The following CACNB2 variants were observed in gnomAD, a reference collection of about 807,000 sequenced individuals.
CACNB2 encodes the protein calcium voltage-gated channel auxiliary subunit beta 2.
Under a neutral mutation model 73.3 loss-of-function variants are expected in CACNB2, and 42 were observed. That is an observed-to-expected ratio of 0.57 (90% CI 0.45 to 0.74). The LOEUF is 0.74. Among genes scored for constraint, CACNB2 ranks in the 30% least tolerant of loss-of-function variants. The probability of loss-of-function intolerance (pLI) is 0.00; values close to 1 mark genes in which losing one functional copy is unlikely to be tolerated. For missense variants in CACNB2, 940 were observed against 853.0 expected (o/e 1.10, Z -1.27); for synonymous variants, 348 against 310.3 (o/e 1.12, Z -1.28).
intron 2 of CACNB2, among the ~76,000 whole-genome samples, chr10:18,380,611 C>A (rs528940101): frequency 1.3e-5 from 2 of 151,702 alleles, no homozygotes; most frequent in Non-Finnish European, 2.9e-5. Context: ...CGTGCCACCA[C>A]GCCCAGCTAA....
intron 2 of CACNB2, among the ~76,000 whole-genome samples, chr10:18,354,390 C>A (rs1318090352): frequency 6.6e-6 from 1 of 152,108 alleles, no homozygotes; most frequent in Non-Finnish European, 1.5e-5. Flanking sequence ...CTCCACCCTT[C>A]CACCAACTTG....
intron 6 of CACNB2, among the ~76,000 whole-genome samples, chr10:18,509,417 T>C (rs2050650836): frequency 6.6e-6 from 1 of 152,188 alleles, no homozygotes; most frequent in South Asian, 2.1e-4. Flanking sequence ...GCAGAATACA[T>C]ACATCGCACC....
chr10:18,373,733 T>G (rs1480113551), intron 2 of CACNB2, among the ~76,000 whole-genome samples: 1 of 152,232 alleles, frequency 6.6e-6, no homozygotes, highest in African/African-American at 2.4e-5. Flanking sequence ...TTTTGATTTA[T>G]ATTTAGTTAA....
At chr10:18,344,947 G>A (rs909171140) in intron 2 of CACNB2, among the ~76,000 whole-genome samples, 1 of 152,154 alleles carries the variant, frequency 6.6e-6, no homozygotes, top group East Asian at 1.9e-4. Context: ...TCAGACAGTT[G>A]TGGGTTCTGC....
At chr10:18,248,713 T>A (rs903287907) in intron 2 of CACNB2, among the ~76,000 whole-genome samples, 1 of 152,214 alleles carries the variant, frequency 6.6e-6, no homozygotes, top group African/African-American at 2.4e-5. Context: ...TGTAATTTTA[T>A]ATCTTTGTAA....
In CACNB2 at chr10:18,460,541, G is replaced by T. The variant is rs181011943; in HGVS notation, c.334-37814G>T. Among the ~76,000 whole-genome samples, 22 of 152,100 alleles carry T rather than the reference G, an allele frequency of 1.4e-4. No homozygotes were observed. The East Asian group carries it at 3.5e-3, about 24-fold the overall frequency. Reference sequence around the variant, plus strand: ...TGAGTTTAGTGATGGTGCCAGGGAAGATTTTCTTTTCGGCAGGTTAAAAAG... The same window carrying T: ...TGAGTTTAGTGATGGTGCCAGGGAATATTTTCTTTTCGGCAGGTTAAAAAG... On this transcript the variant is annotated intron_variant, in intron 3 of 13. Transcript: ENST00000324631.
chr10:18,407,262 C>G (rs1206509741), intron 3 of CACNB2, among the ~76,000 whole-genome samples: 1 of 151,236 alleles, frequency 6.6e-6, no homozygotes, highest in Non-Finnish European at 1.5e-5. Context: ...GCTGGCATTA[C>G]AGGCACGCAC....
chr10:18,412,748 T>A (rs2044705541), intron 3 of CACNB2, among the ~76,000 whole-genome samples: 1 of 152,204 alleles, frequency 6.6e-6, no homozygotes, highest in South Asian at 2.1e-4. Flanking sequence ...AATGTGGAAG[T>A]CCATTCAACC....
At chr10:18,250,383 TG>T (rs1024038177) in intron 2 of CACNB2, among the ~76,000 whole-genome samples, 2 of 152,244 alleles carry the variant, frequency 1.3e-5, no homozygotes, top group Non-Finnish European at 2.9e-5. Context: ...GTCCTTTCTG[TG>T]GGCAAAGTGT....
chr10:18,415,655 T>C (rs1218903071), intron 3 of CACNB2, among the ~76,000 whole-genome samples: 2 of 152,260 alleles, frequency 1.3e-5, no homozygotes, highest in East Asian at 1.9e-4. Context: ...TGTGATTCTC[T>C]CTAAGGTTAG....
intron 3 of CACNB2, among the ~76,000 whole-genome samples, chr10:18,485,363 A>G (rs958821292): frequency 6.6e-6 from 1 of 152,096 alleles, no homozygotes; most frequent in African/African-American, 2.4e-5. Flanking sequence ...TGGTTCCTGT[A>G]AGTATAGTCA....
intron 3 of CACNB2, among the ~76,000 whole-genome samples, chr10:18,491,786 G>GT (rs1246862874): frequency 8.1e-6 from 1 of 123,994 alleles, no homozygotes; most frequent in Non-Finnish European, 1.6e-5. Flanking sequence ...CAATGATTCC[G>GT]TAAGGGATAT....
At chr10:18,473,077 T>C (rs2048273183) in intron 3 of CACNB2, among the ~76,000 whole-genome samples, 1 of 152,232 alleles carries the variant, frequency 6.6e-6, no homozygotes, top group African/African-American at 2.4e-5. Context: ...GTAATATCAG[T>C]GGTTCTTAAT....
chr10:18,410,469 G>T (rs1431507039), intron 3 of CACNB2, among the ~76,000 whole-genome samples: 1 of 151,986 alleles, frequency 6.6e-6, no homozygotes, highest in Non-Finnish European at 1.5e-5. Flanking sequence ...GAAGAAACAT[G>T]AACATGTTTA....
chr10:18,314,074 C>A (rs961811045), intron 2 of CACNB2, among the ~76,000 whole-genome samples: 1 of 151,928 alleles, frequency 6.6e-6, no homozygotes, highest in Non-Finnish European at 1.5e-5. Context: ...CTTTTATGGT[C>A]AATGAATATT....
chr10:18,461,688 C>G (rs55761512), intron 3 of CACNB2, among the ~76,000 whole-genome samples: 20,009 of 149,902 alleles, frequency 0.13, 1,693 homozygotes, highest in East Asian at 0.22. Flanking sequence ...CAATGAAAAT[C>G]TAATGCCACC....
intron 3 of CACNB2, among the ~76,000 whole-genome samples, chr10:18,439,274 G>C (rs934484501): frequency 3.3e-5 from 5 of 152,170 alleles, no homozygotes; most frequent in Non-Finnish European, 5.9e-5. Context: ...GAAGATGAGG[G>C]TTATTTTAGT....
At chr10:18,431,689 A>T (rs2045895776) in intron 3 of CACNB2, among the ~76,000 whole-genome samples, 1 of 152,210 alleles carries the variant, frequency 6.6e-6, no homozygotes, top group Non-Finnish European at 1.5e-5. Flanking sequence ...CTCATTTGAT[A>T]AAAAAGCCAA....
At chr10:18,354,104 C>T (rs1356124500) in intron 2 of CACNB2, among the ~76,000 whole-genome samples, 4 of 152,098 alleles carry the variant, frequency 2.6e-5, no homozygotes, top group Non-Finnish European at 5.9e-5. Context: ...AGAGTCAAAT[C>T]CCTGAGAGTC....
Sources: gnomAD v4.1 joint callset for allele counts (sites outside exome capture counted in the v4.1 genomes callset) on GRCh38, gnomAD v4.1.1 for gene constraint, MANE v1.5 for transcripts, NCBI Gene and HGNC (gene_info 2026-07-23, HGNC 2026-07-21) for gene names.